The following NHSL3 variants were observed in gnomAD, a reference collection of about 807,000 sequenced individuals.
NHSL3 encodes NHS-like protein 3.
chr1:32,759,963 T>C, the NHSL3 span, among the ~76,000 whole-genome samples: 2 of 152,226 alleles, frequency 1.3e-5, no homozygotes, highest in East Asian at 1.9e-4. Context: ...GTAAAGTGCC[T>C]CCACCTGAAA....
At chr1:32,766,899 GC>G in the NHSL3 span, among the ~76,000 whole-genome samples, 1 of 152,134 alleles carries the variant, frequency 6.6e-6, no homozygotes, top group African/African-American at 2.4e-5. Flanking sequence ...TGCAACAGGG[GC>G]CAGGGCCAGG....
chr1:32,766,193 G>A, the NHSL3 span, among the ~76,000 whole-genome samples: 1 of 152,148 alleles, frequency 6.6e-6, no homozygotes, highest in African/African-American at 2.4e-5. Context: ...GCCCAGAAGA[G>A]AGGAGAGTAG....
chr1:32,769,601 A>C, the NHSL3 span: 2 of 1,186,190 alleles, frequency 1.7e-6, no homozygotes, highest in African/African-American at 3.0e-5. Context: ...CTCTTATTAC[A>C]AAAGTAGTGC....
chr1:32,746,867 G>A, the NHSL3 span, among the ~76,000 whole-genome samples: 3 of 152,176 alleles, frequency 2.0e-5, no homozygotes, highest in Non-Finnish European at 4.4e-5. Context: ...CAGTTTTGGG[G>A]AAAGGGGTAT....
chr1:32,742,280 A>AG, the NHSL3 span: 2 of 1,165,570 alleles, frequency 1.7e-6, no homozygotes, highest in Middle Eastern at 3.3e-4. Flanking sequence ...GGCGTGTTGG[A>AG]GGGGGGTGAC....
the NHSL3 span, chr1:32,754,275 TGA>T: frequency 1.6e-6 from 1 of 619,922 alleles, no homozygotes; most frequent in Non-Finnish European, 3.0e-6. Context: ...TTGGAGGGTG[TGA>T]GTGTGGGGGG....
At chr1:32,765,662 G>A in the NHSL3 span, 1 of 1,533,998 alleles carries the variant, frequency 6.5e-7, no homozygotes, top group South Asian at 1.2e-5. Context: ...GCGGCGGGGC[G>A]GGAGGGCTCG....
the NHSL3 span, among the ~76,000 whole-genome samples, chr1:32,749,573 A>G: frequency 6.6e-6 from 1 of 152,172 alleles, no homozygotes; most frequent in Non-Finnish European, 1.5e-5. Flanking sequence ...TGTCAGAGGC[A>G]GAAGAAAAGC....
chr1:32,753,422 T>C, the NHSL3 span, among the ~76,000 whole-genome samples: 1 of 151,522 alleles, frequency 6.6e-6, no homozygotes, highest in Admixed American at 6.6e-5. Flanking sequence ...CAGGTGGAGG[T>C]TGCAGTGAGC....
chr1:32,773,053 C>G, the NHSL3 span: 1 of 677,184 alleles, frequency 1.5e-6, no homozygotes, highest in African/African-American at 1.8e-5. Flanking sequence ...GGTGTTGCTC[C>G]TGTCCTCAGA....
chr1:32,772,402 C>G, the NHSL3 span: 1 of 1,552,954 alleles, frequency 6.4e-7, no homozygotes, highest in African/African-American at 1.4e-5. Flanking sequence ...TGTCCTGCAG[C>G]TGGTGGGCCC....
At chr1:32,766,150 T>A in the NHSL3 span, among the ~76,000 whole-genome samples, 1 of 152,016 alleles carries the variant, frequency 6.6e-6, no homozygotes, top group South Asian at 2.1e-4. Flanking sequence ...TACTAGCCTT[T>A]CCTAGTGTGC....
At chr1:32,767,710 G>A in the NHSL3 span, 1 of 1,312,778 alleles carries the variant, frequency 7.6e-7, no homozygotes, top group Non-Finnish European at 1.1e-6. Flanking sequence ...GACCATGACT[G>A]CCCTTGCCGT....
the NHSL3 span, among the ~76,000 whole-genome samples, chr1:32,756,478 C>CG: frequency 1.8e-5 from 2 of 113,954 alleles, no homozygotes; most frequent in Non-Finnish European, 4.0e-5. Flanking sequence ...AGACCCCCCC[C>CG]CCCCGCCCAT....
At chr1:32,744,879 AT>A in the NHSL3 span, among the ~76,000 whole-genome samples, 1 of 151,946 alleles carries the variant, frequency 6.6e-6, no homozygotes, top group African/African-American at 2.4e-5. Flanking sequence ...TAATCCTAGT[AT>A]TTTGGGAGAC....
At chr1:32,766,591 A>G in the NHSL3 span, among the ~76,000 whole-genome samples, 14 of 152,122 alleles carry the variant, frequency 9.2e-5, no homozygotes, top group Admixed American at 9.2e-4. Flanking sequence ...TCCCTAGGGC[A>G]GGAGCTCTGG....
chr1:32,742,267 C>T, the NHSL3 span: 3 of 1,211,758 alleles, frequency 2.5e-6, no homozygotes, highest in Non-Finnish European at 3.1e-6. Context: ...GGGGTCCGCG[C>T]GCGGCGTGTT....
At chr1:32,772,964 G>A in the NHSL3 span, 2 of 1,427,780 alleles carry the variant, frequency 1.4e-6, no homozygotes, top group Admixed American at 3.3e-5. Flanking sequence ...CCAAGGACGA[G>A]AGGATACAGC....
chr1:32,754,930 C>G, the NHSL3 span, among the ~76,000 whole-genome samples: 1 of 152,056 alleles, frequency 6.6e-6, no homozygotes, highest in African/African-American at 2.4e-5. Context: ...GCCTCCCCCC[C>G]TCCCCCGTCC....
Sources: allele counts gnomAD v4.1 joint callset (sites outside exome capture counted in the v4.1 genomes callset), GRCh38; gene constraint gnomAD v4.1.1; transcripts MANE v1.5; gene names NCBI Gene and HGNC (gene_info 2026-07-23, HGNC 2026-07-21).